The following TULP4 variants were observed in gnomAD, a reference collection of about 807,000 sequenced individuals.
TULP4 encodes tubby-related protein 4.
TULP4 carries 16 observed loss-of-function variants against 129.0 expected under a neutral mutation model. The ratio of observed to expected loss-of-function variants is 0.12; its 90% CI spans 0.08 to 0.19. The LOEUF is 0.19. Among genes scored for constraint, TULP4 ranks in the 10% least tolerant of loss-of-function variants. The pLI is 1.00. For synonymous variants in TULP4, 998 were observed against 854.0 expected, an observed-to-expected ratio of 1.17 and a Z score of -2.94; for missense variants, 1,842 against 2,059.1, an observed-to-expected ratio of 0.89 and a Z score of 2.04.
intron 1 of TULP4, among the ~76,000 whole-genome samples, chr6:158,239,977 C>A (rs1470719331): frequency 9.7e-6 from 1 of 102,846 alleles, no homozygotes. Flanking sequence ...GACGGGGCGG[C>A]TGGCTGGGCG....
At chr6:158,351,298 G>A (rs1780513309) in intron 1 of TULP4, among the ~76,000 whole-genome samples, 1 of 152,178 alleles carries the variant, frequency 6.6e-6, no homozygotes, top group South Asian at 2.1e-4. Context: ...GTGTAGCTGA[G>A]ATGAGCATTT....
rs569278798 is a variant in TULP4 at position 158,240,882 on chromosome 6, C to T, written n.68+8579C>T. Among the ~76,000 whole-genome samples the T allele has an allele frequency of 9.1e-3, 1,366 of 150,716 alleles. 16 individuals carry two copies. The highest frequency in any genetic ancestry group is 0.03 in the African/African-American group (1,248 of 41,318). On this transcript the variant is annotated intron_variant and non_coding_transcript_variant, in intron 1 of 1. Coordinates refer to the TULP4 transcript ENST00000620026. Reference sequence around the variant, plus strand: ...CCTCCCTCCCGGACGGGGTGGCTGCCGGGCGGAGACGCTCCTCACTTCCCA... The same window carrying T: ...CCTCCCTCCCGGACGGGGTGGCTGCTGGGCGGAGACGCTCCTCACTTCCCA...
intron 1 of TULP4, among the ~76,000 whole-genome samples, chr6:158,378,151 C>T (rs898721551): frequency 1.3e-5 from 2 of 152,112 alleles, no homozygotes; most frequent in African/African-American, 2.4e-5. Flanking sequence ...CTCTGAAGGC[C>T]TAGGCTTGGA....
At chr6:158,339,075 A>G (rs1225662960) in intron 1 of TULP4, among the ~76,000 whole-genome samples, 1 of 152,204 alleles carries the variant, frequency 6.6e-6, no homozygotes, top group Non-Finnish European at 1.5e-5. Context: ...ACCTGCCCCC[A>G]GTAATTCAAC....
intron 8 of TULP4, among the ~76,000 whole-genome samples, chr6:158,488,977 C>T (rs1017569669): frequency 3.9e-5 from 6 of 152,152 alleles, no homozygotes; most frequent in Admixed American, 3.3e-4. Context: ...CAGAAGAACC[C>T]AGAGCCATCC....
At chr6:158,332,165 C>CT (rs1405491339) in intron 1 of TULP4, among the ~76,000 whole-genome samples, 6 of 65,558 alleles carry the variant, frequency 9.2e-5, no homozygotes, top group Non-Finnish European at 1.4e-4. Flanking sequence ...GAGTAAGACT[C>CT]TGTCAAAAAA....
chr6:158,506,674 G>A lies in TULP4; in HGVS notation c.4612G>A (p.Val1538Met), dbSNP rs775908189. 1.2e-6 allele frequency: 2 copies of A among 1,612,154 alleles called. No homozygotes were observed. The highest frequency in any genetic ancestry group is 1.7e-6 in the Non-Finnish European group (2 of 1,178,232). Residue 1538 changes from valine to methionine, a missense_variant, in exon 14 of 14, where the codon GTG becomes ATG. Physicochemically the swap from Val to Met is conservative, Grantham distance 21. Around this residue, in one of 5 missense-constraint regions of TULP4, gnomAD observed 47 missense variants for 104.0 expected, o/e 0.45. Coordinates refer to ENST00000367097, the MANE Select transcript of TULP4 (RefSeq NM_020245.5). ...VQAFAVALAN[V>M]TQRLK is the part of the protein sequence containing the mutation. ...GGCCTTTGCAGTTGCCCTGGCCAAC[G>A]TGACTCAGCGCCTCAAATGAAGAGA...
At chr6:158,347,053 A>G (rs1182414140) in intron 1 of TULP4, among the ~76,000 whole-genome samples, 7 of 152,190 alleles carry the variant, frequency 4.6e-5, no homozygotes, top group Non-Finnish European at 8.8e-5. Flanking sequence ...AAGCCATTGC[A>G]ATATTTCTTA....
In TULP4 at chr6:158,394,786, CAAA is replaced by C. The variant is rs71030166; in HGVS notation, c.253-18253_253-18251del. Among the ~76,000 whole-genome samples the C allele has an allele frequency of 1.6e-3, 73 of 46,000 alleles. 1 individual carries two copies. Among genetic ancestry groups the C allele is most frequent in the African/African-American group, 6.0e-3 (57 of 9,432 alleles). The allele number at this position is 46,000 out of a possible 152,430, so 30.2% of individuals were successfully genotyped here. Reference sequence around the variant, plus strand: ...TGGGCAACTGAGCAAGGCTCTGTCTCAAAAAAAAAAAAAAAAAAAAAAAAAAAA... The same window carrying C: ...TGGGCAACTGAGCAAGGCTCTGTCTCAAAAAAAAAAAAAAAAAAAAAAAAA... On this transcript the variant is annotated intron_variant, in intron 1 of 13. Coordinates refer to ENST00000367097, the MANE Select transcript of TULP4 (RefSeq NM_020245.5).
At chr6:158,258,676 A>C (rs1193401550) in intron 1 of TULP4, among the ~76,000 whole-genome samples, 2 of 152,244 alleles carry the variant, frequency 1.3e-5, no homozygotes. Context: ...AAAACAAAAC[A>C]ATCAAATAAA....
At chr6:158,334,819 C>G (rs748647510) in intron 1 of TULP4, among the ~76,000 whole-genome samples, 6 of 152,118 alleles carry the variant, frequency 3.9e-5, no homozygotes, top group Non-Finnish European at 8.8e-5. Flanking sequence ...GGATTAGACT[C>G]CTTATAAAAG....
chr6:158,454,023 C>CCT (rs1779232861), intron 5 of TULP4, among the ~76,000 whole-genome samples: 2 of 147,024 alleles, frequency 1.4e-5, no homozygotes, highest in South Asian at 4.6e-4. Context: ...TCTGCACCGC[C>CCT]CCCCCCCAAG....
At chr6:158,477,543 G>A (rs1779850910) in intron 6 of TULP4, among the ~76,000 whole-genome samples, 1 of 152,142 alleles carries the variant, frequency 6.6e-6, no homozygotes, top group Non-Finnish European at 1.5e-5. Context: ...TTAGAGAAAT[G>A]CAAATCAAAA....
rs762087687 is a variant in TULP4 at position 158,501,671 on chromosome 6, C to T, written c.2015-7C>T. On this transcript the variant is annotated splice_region_variant and splice_polypyrimidine_tract_variant and intron_variant, in intron 12 of 13. Transcript: ENST00000367097. Reference sequence around the variant, plus strand: ...GTAAGCAGTTCCTTTTTCTAATTTTCTTCCAGTGACAGGAGCATCTGGTGT... The same window carrying T: ...GTAAGCAGTTCCTTTTTCTAATTTTTTTCCAGTGACAGGAGCATCTGGTGT... The T allele has an allele frequency of 8.8e-6, 14 of 1,597,178 alleles. No homozygotes were observed. The East Asian group carries it at 1.3e-4, about 15-fold the overall frequency.
At chr6:158,339,530 A>C (rs748445212) in intron 1 of TULP4, among the ~76,000 whole-genome samples, 1 of 152,184 alleles carries the variant, frequency 6.6e-6, no homozygotes, top group Non-Finnish European at 1.5e-5. Context: ...CTACATCTGC[A>C]TAAGGCAGAC....
rs190458025 is a variant in TULP4, at chr6:158,355,027, A to G, written c.252+40759A>G. Among the ~76,000 whole-genome samples the G allele has an allele frequency of 3.5e-3, 527 of 152,178 alleles. 5 individuals are homozygous for G. The highest frequency in any genetic ancestry group is 0.01 in the South Asian group (50 of 4,816). On this transcript the variant is annotated intron_variant, in intron 1 of 13. Transcript: ENST00000367097. Reference sequence around the variant, plus strand: ...AAATTCTGAGGAAGTTCTTCAGGGGATGATTCAGACCAGCTGAATTATAAG... The same window carrying G: ...AAATTCTGAGGAAGTTCTTCAGGGGGTGATTCAGACCAGCTGAATTATAAG...
intron 1 of TULP4, among the ~76,000 whole-genome samples, chr6:158,321,331 G>A (rs571884065): frequency 3.3e-5 from 5 of 151,634 alleles, no homozygotes; most frequent in African/African-American, 4.9e-5. Flanking sequence ...AAATGTTAAC[G>A]GGCACCAGGC....
chr6:158,435,031 A>G (rs1298260780), intron 3 of TULP4, among the ~76,000 whole-genome samples: 2 of 152,162 alleles, frequency 1.3e-5, no homozygotes, highest in South Asian at 2.1e-4. Flanking sequence ...TCTGCCCAGA[A>G]CTCTTCCCAG....
chr6:158,405,504 T>G (rs938763932), intron 1 of TULP4, among the ~76,000 whole-genome samples: 1 of 152,156 alleles, frequency 6.6e-6, no homozygotes, highest in African/African-American at 2.4e-5. Flanking sequence ...AGCACATGAT[T>G]TACAGCTGTG....
Sources: allele counts gnomAD v4.1 joint callset (sites outside exome capture counted in the v4.1 genomes callset), GRCh38; gene constraint gnomAD v4.1.1; regional missense constraint gnomAD v4.1.1; transcripts MANE v1.5; gene names NCBI Gene and HGNC (gene_info 2026-07-23, HGNC 2026-07-21).